ARHGEF38: variants seen among roughly 807,000 people sequenced by gnomAD.
ARHGEF38 encodes the protein Rho guanine nucleotide exchange factor (GEF) 38.
In ARHGEF38, 79 loss-of-function variants were observed where a neutral mutation model predicts 79.9. The observed-to-expected ratio is 0.99, with a 90% CI of 0.82 to 1.19. The LOEUF (loss-of-function observed/expected upper bound fraction) is 1.19. Among genes scored for constraint, ARHGEF38 ranks in the 50% most tolerant of loss-of-function variants. The probability of loss-of-function intolerance (pLI) is 0.00; values close to 1 mark genes in which losing one functional copy is unlikely to be tolerated. For missense variants in ARHGEF38, 962 were observed against 907.2 expected, an observed-to-expected ratio of 1.06 and a Z score of -0.78; for synonymous variants, 366 against 328.3, an observed-to-expected ratio of 1.11 and a Z score of -1.24.
chr4:105,635,459 C>T (rs780370798), intron 4 of ARHGEF38, among the ~76,000 whole-genome samples: 5 of 151,834 alleles, frequency 3.3e-5, no homozygotes, highest in Admixed American at 3.3e-4. Context: ...AAAAAAAACC[C>T]CATGTTTTCT....
chr4:105,603,057 G>A (rs191326168), intron 2 of ARHGEF38, among the ~76,000 whole-genome samples: 1 of 152,202 alleles, frequency 6.6e-6, no homozygotes, highest in African/African-American at 2.4e-5. Context: ...ACAGATCAAT[G>A]AACATCTGAA....
chr4:105,583,401 C>T (rs1185223971), intron 1 of ARHGEF38, among the ~76,000 whole-genome samples: 1 of 152,148 alleles, frequency 6.6e-6, no homozygotes, highest in Non-Finnish European at 1.5e-5. Context: ...TCCTACCTGG[C>T]CACACATTGC....
At chr4:105,617,795 T>TA (rs1376175736) in intron 3 of ARHGEF38, among the ~76,000 whole-genome samples, 2 of 151,930 alleles carry the variant, frequency 1.3e-5, no homozygotes, top group East Asian at 1.9e-4. Context: ...GGAGTAAGTT[T>TA]AAAAAAAATA....
chr4:105,604,325 A>G (rs1375785260), intron 2 of ARHGEF38, among the ~76,000 whole-genome samples: 1 of 152,162 alleles, frequency 6.6e-6, no homozygotes, highest in African/African-American at 2.4e-5. Flanking sequence ...ACACAGATGG[A>G]CTTCATGGAT....
At chr4:105,631,455 C>A in intron 4 of ARHGEF38, 1 of 986,004 alleles carries the variant, frequency 1.0e-6, no homozygotes. Flanking sequence ...CTCTGCATGG[C>A]CGTCTTCTTT....
At chr4:105,666,424 C>A in intron 11 of ARHGEF38, 104 bp downstream of exon 11, 1 of 1,200,126 alleles carries the variant, frequency 8.3e-7, no homozygotes, top group Non-Finnish European at 1.1e-6. Flanking sequence ...TTCTAATATC[C>A]TATAATTTAC....
At chr4:105,640,265 A>C (rs938098883) in intron 5 of ARHGEF38, among the ~76,000 whole-genome samples, 1 of 152,154 alleles carries the variant, frequency 6.6e-6, no homozygotes, top group Non-Finnish European at 1.5e-5. Context: ...TTCTTTTCAG[A>C]GCTAAACCTT....
At position 105,553,068 on chromosome 4, in the gene ARHGEF38, C is replaced by G. The variant is rs112812865; in HGVS notation, c.196+107C>G. 8.8e-6 allele frequency: 7 copies of G among 797,176 alleles called. No homozygotes were observed. In the East Asian group the frequency reaches 2.0e-4, roughly 23 times the overall value. The allele number at this position is 797,176 out of a possible 1,614,324, so 49.4% of individuals were successfully genotyped here. A position where few individuals can be genotyped will look rare whatever the true frequency, so the allele number is the denominator to read the frequency against. ...ACAAGGCAGAGGGGAAAATTGAATA[C>G]CACCTCTCCTTCCCACAAAATAAGA... On this transcript the variant is annotated intron_variant, in intron 1 of 13. Transcript: ENST00000420470.
chr4:105,640,664 G>T lies in ARHGEF38; in HGVS notation c.674+4244G>T, dbSNP rs146092326. On this transcript the variant is annotated intron_variant, in intron 5 of 13. Coordinates refer to ENST00000420470, the MANE Select transcript of ARHGEF38 (RefSeq NM_001242729.2). Reference sequence around the variant, plus strand: ...TCAGTAGTTTCTTCTATTCCTCACAGAATGCATGGGAAGTAAAATGTTAAG... The same window carrying T: ...TCAGTAGTTTCTTCTATTCCTCACATAATGCATGGGAAGTAAAATGTTAAG... 5.3e-5 allele frequency among the ~76,000 whole-genome samples: 8 copies of T among 152,192 alleles called. No individual in the cohort carries two copies. The East Asian group carries it at 1.2e-3, about 22-fold the overall frequency.
intron 10 of ARHGEF38, among the ~76,000 whole-genome samples, chr4:105,662,138 A>G (rs796678021): frequency 1.1e-4 from 16 of 152,268 alleles, no homozygotes; most frequent in African/African-American, 3.8e-4. Flanking sequence ...TTTCAAGTGT[A>G]ATTTTAATTT....
At chr4:105,661,103 C>T (rs748275120) in intron 10 of ARHGEF38, among the ~76,000 whole-genome samples, 11 of 152,070 alleles carry the variant, frequency 7.2e-5, no homozygotes, top group Non-Finnish European at 1.6e-4. Flanking sequence ...TTGTGACTGG[C>T]TTCTTCTATT....
At chr4:105,585,096 T>C (rs1726970950) in intron 1 of ARHGEF38, among the ~76,000 whole-genome samples, 1 of 152,208 alleles carries the variant, frequency 6.6e-6, no homozygotes, top group Non-Finnish European at 1.5e-5. Flanking sequence ...GACAAGTTGG[T>C]AACCACAAAA....
intron 8 of ARHGEF38, among the ~76,000 whole-genome samples, chr4:105,654,408 T>C (rs1730239502): frequency 6.6e-6 from 1 of 152,224 alleles, no homozygotes; most frequent in African/African-American, 2.4e-5. Flanking sequence ...TGTGGGACTT[T>C]TTTGCTCAGA....
intron 3 of ARHGEF38, among the ~76,000 whole-genome samples, chr4:105,617,888 C>T (rs537950462): frequency 2.6e-5 from 4 of 152,004 alleles, no homozygotes; most frequent in African/African-American, 9.6e-5. Context: ...GAAGAGAAGC[C>T]TTTGATGGAG....
chr4:105,672,002 C>T (rs1174842426), intron 13 of ARHGEF38, among the ~76,000 whole-genome samples: 1 of 152,066 alleles, frequency 6.6e-6, no homozygotes, highest in African/African-American at 2.4e-5. Context: ...GACAGGTGGC[C>T]TCTACCTCAT....
chr4:105,613,232 A>C lies in ARHGEF38; in HGVS notation c.385-152A>C, dbSNP rs538298168. ...CATCATCCCAATTTCTTGGAAAAAAAAACTGCACTCTAGAATTCCTAAATA... is the reference window on the plus strand; with the variant it reads ...CATCATCCCAATTTCTTGGAAAAAACAACTGCACTCTAGAATTCCTAAATA... On this transcript the variant is annotated intron_variant, in intron 2 of 13. Transcript: ENST00000420470. 4 of 1,038,272 alleles carry C rather than the reference A, an allele frequency of 3.9e-6. No homozygotes were observed. The East Asian group carries it at 1.1e-4, about 28-fold the overall frequency. The allele number at this position is 1,038,272 out of a possible 1,614,324, so 64.3% of individuals were successfully genotyped here. A position where few individuals can be genotyped will look rare whatever the true frequency, so the allele number is the denominator to read the frequency against.
chr4:105,593,922 G>A (rs780236722), intron 2 of ARHGEF38, among the ~76,000 whole-genome samples: 1 of 152,074 alleles, frequency 6.6e-6, no homozygotes, highest in East Asian at 1.9e-4. Context: ...TCTCAATACT[G>A]TGAATTACAA....
At chr4:105,589,716 C>T (rs1331013107) in intron 2 of ARHGEF38, among the ~76,000 whole-genome samples, 1 of 151,938 alleles carries the variant, frequency 6.6e-6, no homozygotes, top group African/African-American at 2.4e-5. Flanking sequence ...GCTGAGGAAA[C>T]TAAAGCAGGG....
At chr4:105,658,564 A>G (rs1030377905) in intron 9 of ARHGEF38, among the ~76,000 whole-genome samples, 1 of 152,110 alleles carries the variant, frequency 6.6e-6, no homozygotes, top group Non-Finnish European at 1.5e-5. Flanking sequence ...CTGATATGGG[A>G]AGAATAGGGT....
Sources: allele counts gnomAD v4.1 joint callset (sites outside exome capture counted in the v4.1 genomes callset), GRCh38; gene constraint gnomAD v4.1.1; transcripts MANE v1.5; gene names NCBI Gene and HGNC (gene_info 2026-07-23, HGNC 2026-07-21).